SYNJ1: variants seen among roughly 807,000 people sequenced by gnomAD.
SYNJ1 encodes the protein polyphosphatidylinositol phosphatase SYNJ1.
A neutral mutation model predicts 168.2 loss-of-function variants in SYNJ1; 78 were observed. That is an observed-to-expected ratio of 0.46 (90% CI 0.39 to 0.56). The LOEUF (loss-of-function observed/expected upper bound fraction) is 0.56. SYNJ1 is among the 20% of genes least tolerant of loss of function. SYNJ1 has a pLI of 0.00. For missense variants in SYNJ1, 1,303 were observed against 1,597.6 expected, an observed-to-expected ratio of 0.82 and a Z score of 3.14; for synonymous variants, 539 against 548.6, an observed-to-expected ratio of 0.98 and a Z score of 0.24.
chr21:32,646,431 C>G lies in SYNJ1; in HGVS notation c.3209G>C (p.Arg1070Pro). The G allele has an allele frequency of 6.2e-7, 1 of 1,614,080 alleles. No homozygotes were observed. The highest frequency in any genetic ancestry group is 8.5e-7 in the Non-Finnish European group (1 of 1,180,018). The change falls in exon 24 of 33, where the codon CGA (arginine) becomes CCA (proline). Residue 1070 changes from arginine (R) to proline (P), a missense_variant. Transcript: ENST00000674351. ...AGGCCCAGGAGTTCTTGACGGTGCT[C>G]GGCTTGGTCTGATGGGAAGGGAAGG... ...PVPSLPIRPS[R>P]APSRTPGPPS... is the part of the protein sequence containing the mutation.
chr21:32,670,798 A>G lies in SYNJ1; in HGVS notation c.1727-426T>C, dbSNP rs1327804562. ...CAGTTGGGAGGAATTTTTCACATTC[A>G]TATTTGAAAAACATAATCTTGATCT... is the stretch of plus-strand genomic sequence containing the variant. On this transcript the variant is annotated intron_variant, in intron 14 of 32. Coordinates refer to ENST00000674351, the MANE Select transcript of SYNJ1 (RefSeq NM_203446.3). 7 of 985,010 alleles carry G rather than the reference A, an allele frequency of 7.1e-6. No individual in the cohort carries two copies. In the African/African-American group the frequency reaches 1.2e-4, roughly 17 times the overall value. The allele number at this position is 985,010 out of a possible 1,614,324, so 61.0% of individuals were successfully genotyped here.
intron 6 of SYNJ1, among the ~76,000 whole-genome samples, chr21:32,690,731 T>C (rs1470477181): frequency 6.6e-6 from 1 of 152,168 alleles, no homozygotes; most frequent in Non-Finnish European, 1.5e-5. Context: ...GAGACCGGCC[T>C]GACCAACATG....
chr21:32,637,722 C>T (rs2039644213), intron 31 of SYNJ1, among the ~76,000 whole-genome samples: 1 of 152,140 alleles, frequency 6.6e-6, no homozygotes, highest in South Asian at 2.1e-4. Context: ...AGACTTCATC[C>T]TCAATTTTCT....
chr21:32,649,943 T>C (rs929939021), intron 23 of SYNJ1, among the ~76,000 whole-genome samples: 1 of 152,028 alleles, frequency 6.6e-6, no homozygotes, highest in Non-Finnish European at 1.5e-5. Context: ...AGAGACAGGG[T>C]TTCGCCATGT....
intron 21 of SYNJ1, chr21:32,653,578 A>G (rs1259551267): frequency 8.3e-6 from 4 of 484,232 alleles, no homozygotes; most frequent in Non-Finnish European, 1.5e-5. Flanking sequence ...ATGTTAATGG[A>G]ACAGCCACAA....
rs2040474456 is a variant in SYNJ1, at chr21:32,656,819, A to G, written c.2663T>C (p.Val888Ala). The change falls in exon 21 of 33, where the codon GTT becomes GCT. Residue 888 changes from valine (V) to alanine (A), a missense_variant. Transcript: ENST00000674351. The part of the protein sequence containing the change: ...RQNIYKEVIA[V>A]QGPPDGTVLV... The stretch of plus-strand genomic sequence containing the variant: ...TACTGTACCATCTGGTGGACCCTGA[A>G]CTGCAATTACTTCTTTATAAATGTT... 2 of 1,614,186 alleles carry G rather than the reference A, an allele frequency of 1.2e-6. No homozygotes were observed. Among genetic ancestry groups the G allele is most frequent in the South Asian group, 1.1e-5 (1 of 91,082 alleles).
intron 1 of SYNJ1, among the ~76,000 whole-genome samples, chr21:32,727,557 G>C (rs915717615): frequency 6.6e-6 from 1 of 152,112 alleles, no homozygotes. Flanking sequence ...ACGACTCGGG[G>C]CACCGACCCG....
chr21:32,654,432 C>G (rs1274035448), intron 21 of SYNJ1, among the ~76,000 whole-genome samples: 1 of 152,178 alleles, frequency 6.6e-6, no homozygotes, highest in Non-Finnish European at 1.5e-5. Context: ...GGAGACCATT[C>G]TTACCTAACT....
chr21:32,719,003 T>C (rs2043120630), intron 2 of SYNJ1, among the ~76,000 whole-genome samples: 1 of 151,566 alleles, frequency 6.6e-6, no homozygotes, highest in South Asian at 2.1e-4. Context: ...ATAATTACAG[T>C]AAAAAAAAAT....
chr21:32,700,490 A>G (rs1022828733), intron 3 of SYNJ1, among the ~76,000 whole-genome samples: 2 of 152,142 alleles, frequency 1.3e-5, no homozygotes, highest in Non-Finnish European at 2.9e-5. Flanking sequence ...CCCCATCTCT[A>G]CTAAAAATAC....
rs1249281945 is a variant in SYNJ1, at chr21:32,673,518, T to C, written c.1548A>G (p.Val516=). 1 of 1,609,556 alleles carries C rather than the reference T, an allele frequency of 6.2e-7. No individual in the cohort carries two copies. Among genetic ancestry groups the C allele is most frequent in the Non-Finnish European group, 8.5e-7 (1 of 1,178,032 alleles). Residue 516 remains valine, a synonymous_variant, in exon 14 of 33, where the codon GTA becomes GTG. Coordinates refer to ENST00000674351, the MANE Select transcript of SYNJ1 (RefSeq NM_203446.3). The part of the protein sequence containing the change: ...EQTLQSASSK[V]LKSMCENFYK... ...AGAAATTCTCACACATGCTCTTTAG[T>C]ACTTTAGAAGATGCTAATCAAGAGA...
Position 32,650,192 on chromosome 21 carries a change from T to G in SYNJ1, c.3029A>C (p.Asp1010Ala). ...GTGTTTAAGAAACAAACCTTCCATA[T>G]CAAAATCTGCTGCAACCTCTGCATC... Reference protein sequence around the residue: ...GEDAEVAADFDMEGDVDDYSA... With the variant: ...GEDAEVAADFAMEGDVDDYSA... Residue 1010 changes from aspartate (D) to alanine (A), a missense_variant, in exon 23 of 33, where the codon GAT becomes GCT. Physicochemically the swap from Asp to Ala is moderately radical, Grantham distance 126. Coordinates refer to ENST00000674351, the MANE Select transcript of SYNJ1 (RefSeq NM_203446.3). 5.6e-6 allele frequency: 9 copies of G among 1,601,810 alleles called. No individual in the cohort carries two copies. The highest frequency in any genetic ancestry group is 1.3e-5 in the African/African-American group (1 of 74,138).
chr21:32,667,132 T>C (rs561493386), intron 15 of SYNJ1, among the ~76,000 whole-genome samples: 6 of 150,118 alleles, frequency 4.0e-5, no homozygotes, highest in Admixed American at 6.6e-5. Flanking sequence ...AGGCTACACA[T>C]GTTCAGTATA....
chr21:32,664,967 A>T lies in SYNJ1; in HGVS notation c.2250T>A (p.Asn750Lys), dbSNP rs570501803. The stretch of plus-strand genomic sequence containing the variant: ...GATCTCCTGCTATAAGAGAATCCCA[A>T]TTTTGCTGTCTTATGAGCTCTTTAA... ...EEVKELIRQQ[N>K]WDSLIAGDQL... Residue 750 changes from asparagine (N) to lysine (K), a missense_variant, in exon 18 of 33, where the codon AAT becomes AAA. Coordinates refer to ENST00000674351, the MANE Select transcript of SYNJ1 (RefSeq NM_203446.3). 27 of 1,613,438 alleles carry T rather than the reference A, an allele frequency of 1.7e-5. No homozygotes were observed. Among genetic ancestry groups the T allele is most frequent in the African/African-American group, 1.6e-4 (12 of 75,034 alleles).
At chr21:32,673,773 T>TA (rs555094790) in intron 13 of SYNJ1, among the ~76,000 whole-genome samples, 182 of 141,004 alleles carry the variant, frequency 1.3e-3, no homozygotes, top group African/African-American at 1.7e-3. Flanking sequence ...ATAGCCAAAG[T>TA]AAAAAAAAAA....
chr21:32,672,058 T>TCAAAAAAAAAAA (rs2041215192), intron 14 of SYNJ1, among the ~76,000 whole-genome samples: 1 of 9,368 alleles, frequency 1.1e-4, no homozygotes, highest in African/African-American at 4.6e-4. Flanking sequence ...AAACTCAATC[T>TCAAAAAAAAAAA]CAAAAAAAAA....
At chr21:32,687,280 G>A (rs1569094372) in intron 7 of SYNJ1, among the ~76,000 whole-genome samples, 2 of 152,202 alleles carry the variant, frequency 1.3e-5, no homozygotes, top group Non-Finnish European at 2.9e-5. Flanking sequence ...TATGGGTACT[G>A]AGACTTCCAC....
intron 6 of SYNJ1, among the ~76,000 whole-genome samples, chr21:32,693,244 C>T (rs974161184): frequency 1.4e-4 from 21 of 152,056 alleles, no homozygotes; most frequent in African/African-American, 4.8e-4. Flanking sequence ...ATCATGAAAG[C>T]GTAGGAGAAG....
At chr21:32,723,745 C>G (rs560735508) in intron 2 of SYNJ1, among the ~76,000 whole-genome samples, 1 of 152,082 alleles carries the variant, frequency 6.6e-6, no homozygotes, top group African/African-American at 2.4e-5. Flanking sequence ...CAATTGAGCC[C>G]GGGAGTTCCA....
Sources: allele counts gnomAD v4.1 joint callset (sites outside exome capture counted in the v4.1 genomes callset), GRCh38; gene constraint gnomAD v4.1.1; transcripts MANE v1.5; gene names NCBI Gene and HGNC (gene_info 2026-07-23, HGNC 2026-07-21).